Variants in GALNT7 observed in about 807,000 individuals in gnomAD.
The protein encoded by GALNT7 is polypeptide N-acetylgalactosaminyltransferase 7.
A neutral mutation model predicts 82.1 loss-of-function variants in GALNT7; 60 were observed. That is an observed-to-expected ratio of 0.73 (90% CI 0.59 to 0.91). The LOEUF is 0.91. Ranked by LOEUF, GALNT7 falls within the 40% of genes least tolerant of loss-of-function variation. The pLI is 0.00. For missense variants in GALNT7, 660 were observed against 804.2 expected (o/e 0.82, Z 2.17); for synonymous variants, 243 against 275.1 (o/e 0.88, Z 1.15).
At chr4:173,203,169 C>T (rs1429716348) in intron 1 of GALNT7, among the ~76,000 whole-genome samples, 1 of 152,156 alleles carries the variant, frequency 6.6e-6, no homozygotes. Context: ...AATCTAGGCT[C>T]TGCAAGCTCC....
At chr4:173,228,917 A>T (rs1056828887) in intron 1 of GALNT7, among the ~76,000 whole-genome samples, 4 of 152,226 alleles carry the variant, frequency 2.6e-5, no homozygotes, top group Non-Finnish European at 5.9e-5. Flanking sequence ...TGAGATCTGC[A>T]TGTGACCAAA....
rs185555317 is a variant in GALNT7 at position 173,184,467 on chromosome 4, G to A, written c.126+15506G>A. Among the ~76,000 whole-genome samples the A allele has an allele frequency of 5.2e-3, 793 of 151,882 alleles. 9 individuals are homozygous for A. Among genetic ancestry groups the A allele is most frequent in the African/African-American group, 0.018 (759 of 41,378 alleles). ...ATGAAAACCAGTCAGGCATGGTGGC[G>A]CCCGCCTGCAATCCCAGGCACTCGG... On this transcript the variant is annotated intron_variant, in intron 1 of 11. Transcript: ENST00000265000.
At chr4:173,183,582 C>T (rs1186003021) in intron 1 of GALNT7, among the ~76,000 whole-genome samples, 1 of 152,172 alleles carries the variant, frequency 6.6e-6, no homozygotes, top group Non-Finnish European at 1.5e-5. Flanking sequence ...AATCTGATCT[C>T]TCTTTCTTTT....
intron 1 of GALNT7, among the ~76,000 whole-genome samples, chr4:173,177,833 C>G (rs998870940): frequency 2.0e-5 from 3 of 152,044 alleles, no homozygotes; most frequent in African/African-American, 7.2e-5. Context: ...AAAACTGGTT[C>G]AGATGATAAA....
rs117649542 is a variant in GALNT7, at chr4:173,301,083, C to T, written c.1149-964C>T. ...CCAGAAGGTCAAGACTGCAGTGAGCCGCAATCATGCCACTGTACTCCAGGC... is the reference window on the plus strand; with the variant it reads ...CCAGAAGGTCAAGACTGCAGTGAGCTGCAATCATGCCACTGTACTCCAGGC... On this transcript the variant is annotated intron_variant, in intron 6 of 11. Transcript: ENST00000265000. Among the ~76,000 whole-genome samples, 646 of 151,828 alleles carry T rather than the reference C, an allele frequency of 4.3e-3. 27 individuals are homozygous for T. In the East Asian group the frequency reaches 0.1, roughly 24 times the overall value.
At chr4:173,281,917 T>C (rs1176886707) in intron 2 of GALNT7, among the ~76,000 whole-genome samples, 2 of 152,160 alleles carry the variant, frequency 1.3e-5, no homozygotes, top group African/African-American at 4.8e-5. Context: ...TAGCGGTTTC[T>C]CGTTGTCTGA....
intron 1 of GALNT7, among the ~76,000 whole-genome samples, chr4:173,211,817 A>G (rs1448574386): frequency 6.6e-6 from 1 of 152,244 alleles, no homozygotes; most frequent in African/African-American, 2.4e-5. Context: ...GCTTTTAAAA[A>G]TCTATATCAA....
At chr4:173,259,846 C>T (rs1336974979) in intron 2 of GALNT7, among the ~76,000 whole-genome samples, 1 of 152,104 alleles carries the variant, frequency 6.6e-6, no homozygotes, top group Non-Finnish European at 1.5e-5. Flanking sequence ...CCTTGTTGGC[C>T]AGGCTGGTCT....
chr4:173,298,244 G>A lies in GALNT7; in HGVS notation c.1095G>A (p.Val365=). 2 of 1,608,054 alleles carry A rather than the reference G, an allele frequency of 1.2e-6. No individual in the cohort carries two copies. Among genetic ancestry groups the A allele is most frequent in the Non-Finnish European group, 1.7e-6 (2 of 1,177,988 alleles). Residue 365 remains valine, a synonymous_variant, in exon 6 of 12, where the codon GTG becomes GTA. Transcript: ENST00000265000. ...ATTGGAGTATGCTCTGGAAACGGGT[G>A]CCTCTGACCCCTCAAGAGAAGAGAC... is the stretch of plus-strand genomic sequence containing the variant. The part of the protein sequence containing the change: ...AWDWSMLWKR[V]PLTPQEKRLR...
chr4:173,318,571 T>TC lies in GALNT7; in HGVS notation c.1836+12_1836+13insC. 6.7e-7 allele frequency: 1 copy of TC among 1,485,458 alleles called. No homozygotes were observed. 92.0% of individuals were successfully genotyped at this position (1,485,458 alleles called of 1,614,324 possible). A position where few individuals can be genotyped will look rare whatever the true frequency, so the allele number is the denominator to read the frequency against. On this transcript the variant is annotated intron_variant, in intron 11 of 11. Coordinates refer to ENST00000265000, the MANE Select transcript of GALNT7 (RefSeq NM_017423.3). ...GGCAGTACTTCAAGGTATTCTGCAT[T>TC]TTAACTTCTGAAATATTATATGCTT... is the stretch of plus-strand genomic sequence containing the variant.
rs923820479 is a variant in GALNT7, at chr4:173,302,006, G to T, written c.1149-41G>T. On this transcript the variant is annotated intron_variant, in intron 6 of 11. Transcript: ENST00000265000. The surrounding 1 kb of genome is among the most constrained non-coding windows in gnomAD (Gnocchi z 4.2). ...TGCCTATTGGTGAAGGGTTATTGGG[G>T]GTTTGTCTGTAATGGTTATTGCAGT... The T allele has an allele frequency of 1.6e-5, 15 of 909,818 alleles. No individual in the cohort carries two copies. Among genetic ancestry groups the T allele is most frequent in the Admixed American group, 3.5e-5 (2 of 56,356 alleles). 56.4% of individuals were successfully genotyped at this position (909,818 alleles called of 1,614,324 possible).
chr4:173,247,574 A>G (rs1003406147), intron 1 of GALNT7, among the ~76,000 whole-genome samples: 1 of 152,130 alleles, frequency 6.6e-6, no homozygotes, highest in Non-Finnish European at 1.5e-5. Context: ...ACAAAAGGTT[A>G]TATTTATCAC....
chr4:173,318,087 G>A (rs1737671112), intron 10 of GALNT7, among the ~76,000 whole-genome samples: 1 of 152,244 alleles, frequency 6.6e-6, no homozygotes, highest in African/African-American at 2.4e-5. Context: ...TGCAAATAGA[G>A]TGTTACTGCC....
intron 3 of GALNT7, among the ~76,000 whole-genome samples, chr4:173,294,294 A>T (rs1355693219): frequency 2.0e-5 from 3 of 151,484 alleles, no homozygotes; most frequent in Non-Finnish European, 4.4e-5. Context: ...TTTTAAGTTG[A>T]AGGGAAAATT....
intron 1 of GALNT7, among the ~76,000 whole-genome samples, chr4:173,239,470 A>G (rs1441908734): frequency 6.6e-6 from 1 of 152,204 alleles, no homozygotes; most frequent in East Asian, 1.9e-4. Flanking sequence ...TTGACTGGGG[A>G]GAAACATACA....
intron 1 of GALNT7, among the ~76,000 whole-genome samples, chr4:173,245,142 G>A (rs894210596): frequency 4.7e-5 from 7 of 147,388 alleles, no homozygotes; most frequent in Non-Finnish European, 8.9e-5. Context: ...AATGAGGATG[G>A]AATGACAAAT....
At chr4:173,298,947 T>C (rs1478333470) in intron 6 of GALNT7, among the ~76,000 whole-genome samples, 1 of 152,256 alleles carries the variant, frequency 6.6e-6, no homozygotes, top group Non-Finnish European at 1.5e-5. Flanking sequence ...TTGTGGTTCT[T>C]TCAGTAGAAC....
rs1734841342 is a variant in GALNT7 at position 173,251,405 on chromosome 4, G to A, written c.587+2965G>A. Among the ~76,000 whole-genome samples, 3 of 152,168 alleles carry A rather than the reference G, an allele frequency of 2.0e-5. No homozygotes were observed. In the South Asian group the frequency reaches 6.2e-4, roughly 32 times the overall value. On this transcript the variant is annotated intron_variant, in intron 2 of 11. Transcript: ENST00000265000. ...CTGAGTATTATTAGCTGTTTTTACT[G>A]CTATGGTATTTTCTTCCTTACCTTG...
intron 1 of GALNT7, among the ~76,000 whole-genome samples, chr4:173,171,072 A>C (rs1731850736): frequency 6.6e-6 from 1 of 152,264 alleles, no homozygotes; most frequent in Admixed American, 6.5e-5. Flanking sequence ...ATTAACATTA[A>C]GAGGAATGCT....
Sources: gnomAD v4.1 joint callset for allele counts (sites outside exome capture counted in the v4.1 genomes callset) on GRCh38, gnomAD v4.1.1 for gene constraint, Gnocchi (gnomAD v3.1) non-coding constraint, MANE v1.5 for transcripts, NCBI Gene and HGNC (gene_info 2026-07-23, HGNC 2026-07-21) for gene names.